The following ZNF347 variants were observed in gnomAD, a reference collection of about 807,000 sequenced individuals.
The protein encoded by ZNF347 is zinc finger protein 347, also known as CTD-2620I22.7.
In ZNF347, 19 loss-of-function variants were observed where a neutral mutation model predicts 12.9. The ratio of observed to expected loss-of-function variants is 1.47; its 90% CI spans 1.03 to 2.16. The LOEUF (loss-of-function observed/expected upper bound fraction) is 2.16, where lower values mean the gene tolerates loss of function less well. Among genes scored for constraint, ZNF347 ranks in the 30% most tolerant of loss-of-function variants. The pLI is 0.00. For missense variants in ZNF347, 1,005 were observed against 990.6 expected (o/e 1.01, Z -0.19); for synonymous variants, 328 against 340.6 (o/e 0.96, Z 0.41).
Position 53,140,244 on chromosome 19 carries a change from C to T in ZNF347, c.*64G>A, listed in dbSNP as rs1650972. The T allele has an allele frequency of 0.19, 268,115 of 1,422,338 alleles. 28,851 individuals are homozygous for T. The highest frequency in any genetic ancestry group is 0.4 in the African/African-American group (28,159 of 69,550). The allele number at this position is 1,422,338 out of a possible 1,614,324, so 88.1% of individuals were successfully genotyped here. A position where few individuals can be genotyped will look rare whatever the true frequency, so the allele number is the denominator to read the frequency against. ...AATCTCTCAGGCATAAATTCTCTGA[C>T]GTTGTCAAAGGAATGAATTCTAACT... is the stretch of plus-strand genomic sequence containing the variant. On this transcript the variant is annotated 3_prime_UTR_variant, in exon 5 of 5. Transcript: ENST00000334197.
rs2090386939 is a variant in ZNF347 at position 53,136,070 on chromosome 19, CTTA to C, written c.*4235_*4237del. The C allele has an allele frequency of 6.6e-6, 1 of 151,730 alleles. No homozygotes were observed. The highest frequency in any genetic ancestry group is 1.5e-5 in the Non-Finnish European group (1 of 68,002). 9.4% of individuals were successfully genotyped at this position (151,730 alleles called of 1,614,324 possible). ...TGATAATTAATATCTTGGGGACTCT[CTTA>C]TTAACTGTATTTTCATTTACTTCTC... is the stretch of plus-strand genomic sequence containing the variant. On this transcript the variant is annotated 3_prime_UTR_variant, in exon 5 of 5. Transcript: ENST00000334197.
intron 2 of ZNF347, among the ~76,000 whole-genome samples, chr19:53,152,196 C>T (rs2090503181): frequency 6.6e-6 from 1 of 151,942 alleles, no homozygotes; most frequent in African/African-American, 2.4e-5. Flanking sequence ...GGTAAAACAT[C>T]CACTCTGTCC....
chr19:53,140,355 C>G lies in ZNF347; in HGVS notation c.2473G>C (p.Val825Leu). The change falls in exon 5 of 5, where the codon GTT becomes CTT. Residue 825 changes from valine (V) to leucine (L), a missense_variant. Coordinates refer to ENST00000334197, the MANE Select transcript of ZNF347 (RefSeq NM_032584.3). ...CAAGGTTTGAACTCTGACTTTAGAA[C>G]TTTCCACACGTTACATTTGTAAGGT... ...GKPYKCNVWK[V>L]LKSEFKPCKP... 6.3e-7 allele frequency: 1 copy of G among 1,585,948 alleles called. No homozygotes were observed. The highest frequency in any genetic ancestry group is 8.6e-7 in the Non-Finnish European group (1 of 1,168,848).
At chr19:53,149,016 G>T in intron 3 of ZNF347, 1 of 1,093,280 alleles carries the variant, frequency 9.1e-7, no homozygotes, top group Non-Finnish European at 1.3e-6. Context: ...TCAAAGCATG[G>T]GGATAGAAAA....
chr19:53,147,432 C>A (rs552367597), intron 4 of ZNF347, among the ~76,000 whole-genome samples: 1 of 151,902 alleles, frequency 6.6e-6, no homozygotes, highest in South Asian at 2.1e-4. Context: ...GTAGTGTGTG[C>A]CTGTAACCCC....
rs2090386554 is a variant in ZNF347 at position 53,135,968 on chromosome 19, A to G, written c.*4340T>C. On this transcript the variant is annotated 3_prime_UTR_variant, in exon 5 of 5. Transcript: ENST00000334197. ...TTTGCTGTAAGATCCTCTGGCTCAG[A>G]AAAGAAATACCAGCCACAGTAGGAA... The G allele has an allele frequency of 6.6e-6, 1 of 152,162 alleles. No individual in the cohort carries two copies. Among genetic ancestry groups the G allele is most frequent in the South Asian group, 2.1e-4 (1 of 4,830 alleles). 9.4% of individuals were successfully genotyped at this position (152,162 alleles called of 1,614,324 possible).
At chr19:53,152,321 G>T (rs1599859663) in intron 2 of ZNF347, among the ~76,000 whole-genome samples, 1 of 152,000 alleles carries the variant, frequency 6.6e-6, no homozygotes, top group East Asian at 1.9e-4. Flanking sequence ...AACATTCACT[G>T]AAGGGCCGGG....
intron 4 of ZNF347, among the ~76,000 whole-genome samples, chr19:53,146,214 G>A (rs1168844798): frequency 1.3e-5 from 2 of 151,924 alleles, no homozygotes; most frequent in East Asian, 3.9e-4. Context: ...ACCTCAGGTG[G>A]TCCACCCACC....
At chr19:53,156,045 C>CGGGGGGGGGG (rs34037433) in intron 1 of ZNF347, among the ~76,000 whole-genome samples, 2 of 17,044 alleles carry the variant, frequency 1.2e-4, no homozygotes, top group African/African-American at 2.3e-4. Context: ...ACTCCCAGCT[C>CGGGGGGGGGG]GGGGGGGGGG....
chr19:53,154,300 A>G (rs965630145), intron 1 of ZNF347, among the ~76,000 whole-genome samples: 3 of 151,992 alleles, frequency 2.0e-5, no homozygotes, highest in East Asian at 3.9e-4. Context: ...TAAACAACAT[A>G]GTGAGACCCC....
rs1436930857 is a variant in ZNF347 at position 53,138,637 on chromosome 19, A to C, written c.*1671T>G. On this transcript the variant is annotated 3_prime_UTR_variant, in exon 5 of 5. Coordinates refer to ENST00000334197, the MANE Select transcript of ZNF347 (RefSeq NM_032584.3). ...TGTAGAGAGAATAATTCAAGTGCAGAGTATGATTACATTTTCCCAAAATTG... is the reference window on the plus strand; with the variant it reads ...TGTAGAGAGAATAATTCAAGTGCAGCGTATGATTACATTTTCCCAAAATTG... The C allele has an allele frequency of 6.6e-6, 1 of 152,134 alleles. No individual in the cohort carries two copies. The highest frequency in any genetic ancestry group is 1.5e-5 in the Non-Finnish European group (1 of 68,036). The allele number at this position is 152,134 out of a possible 1,614,324, so 9.4% of individuals were successfully genotyped here.
rs1015713024 is a variant in ZNF347, at chr19:53,139,701, T to TA, written c.*606dup. On this transcript the variant is annotated 3_prime_UTR_variant, in exon 5 of 5. Transcript: ENST00000334197. ...GAATCCTCACCTACAGTTACAGTCTTAGAGTAAGAGCTTCAGGATGCTCTT... is the reference window on the plus strand; with the variant it reads ...GAATCCTCACCTACAGTTACAGTCTTAAGAGTAAGAGCTTCAGGATGCTCTT... 14 of 152,448 alleles carry TA rather than the reference T, an allele frequency of 9.2e-5. No homozygotes were observed. The highest frequency in any genetic ancestry group is 3.1e-4 in the African/African-American group (13 of 41,584). The allele number at this position is 152,448 out of a possible 1,614,324, so 9.4% of individuals were successfully genotyped here.
chr19:53,135,218 T>C lies in ZNF347; in HGVS notation c.*5090A>G, dbSNP rs1050934658. The C allele has an allele frequency of 2.6e-5, 4 of 151,460 alleles. No individual in the cohort carries two copies. Among genetic ancestry groups the C allele is most frequent in the African/African-American group, 9.7e-5 (4 of 41,130 alleles). The allele number at this position is 151,460 out of a possible 1,614,324, so 9.4% of individuals were successfully genotyped here. A position where few individuals can be genotyped will look rare whatever the true frequency, so the allele number is the denominator to read the frequency against. On this transcript the variant is annotated 3_prime_UTR_variant, in exon 5 of 5. Transcript: ENST00000334197. ...ATCTGAGATTTGATGGATGGTGATG[T>C]TGGAAATCTTTTTATGTGCCTATTT...
intron 2 of ZNF347, among the ~76,000 whole-genome samples, chr19:53,153,401 A>C (rs1307663636): frequency 6.6e-6 from 1 of 152,204 alleles, no homozygotes; most frequent in Non-Finnish European, 1.5e-5. Context: ...CCTGCTCCAC[A>C]GAGAGCTGAC....
intron 1 of ZNF347, among the ~76,000 whole-genome samples, chr19:53,155,098 T>C (rs1020756173): frequency 1.1e-4 from 16 of 151,846 alleles, no homozygotes; most frequent in Admixed American, 2.0e-4. Context: ...CCACTATGCC[T>C]GGCTAATTTT....
At chr19:53,144,651 A>C (rs1183548795) in intron 4 of ZNF347, among the ~76,000 whole-genome samples, 1 of 152,082 alleles carries the variant, frequency 6.6e-6, no homozygotes, top group Non-Finnish European at 1.5e-5. Context: ...AACAGATGGG[A>C]TCTCCCTATG....
intron 2 of ZNF347, among the ~76,000 whole-genome samples, chr19:53,151,532 T>C (rs550379445): frequency 9.0e-4 from 48 of 53,306 alleles, no homozygotes; most frequent in African/African-American, 3.7e-3. Context: ...AGCAAGACTG[T>C]CTAAAAAAAA....
At position 53,141,144 on chromosome 19, in the gene ZNF347, T is replaced by C; in HGVS notation, c.1684A>G (p.Ile562Val). 6.2e-7 allele frequency: 1 copy of C among 1,614,084 alleles called. No individual in the cohort carries two copies. Among genetic ancestry groups the C allele is most frequent in the Non-Finnish European group, 8.5e-7 (1 of 1,179,932 alleles). Residue 562 changes from isoleucine (I) to valine (V), a missense_variant, in exon 5 of 5, where the codon ATC (isoleucine) becomes GTC (valine). Transcript: ENST00000334197. ...VYSSLTTHQVIHTGEKPYKCN... is the reference protein window; with the variant it reads ...VYSSLTTHQVVHTGEKPYKCN... ...TTGTAAGGTTTTTCTCCAGTATGGATGACCTGATGGGTAGTTAGGCTTGAA... is the reference window on the plus strand; with the variant it reads ...TTGTAAGGTTTTTCTCCAGTATGGACGACCTGATGGGTAGTTAGGCTTGAA...
At chr19:53,152,092 C>CAAA (rs1186310928) in intron 2 of ZNF347, among the ~76,000 whole-genome samples, 18 of 89,756 alleles carry the variant, frequency 2.0e-4, no homozygotes, top group Admixed American at 3.7e-4. Context: ...GACTCTGTCT[C>CAAA]AAAAAAAAAA....
Sources: allele counts gnomAD v4.1 joint callset (sites outside exome capture counted in the v4.1 genomes callset), GRCh38; gene constraint gnomAD v4.1.1; transcripts MANE v1.5; gene names NCBI Gene and HGNC (gene_info 2026-07-23, HGNC 2026-07-21).